The following MACF1 variants were observed in gnomAD, a reference collection of about 807,000 sequenced individuals.
MACF1 encodes microtubule actin crosslinking factor 1.
Under a neutral mutation model 854.8 loss-of-function variants are expected in MACF1, and 193 were observed. The observed-to-expected ratio is 0.23, with a 90% CI of 0.20 to 0.25. The LOEUF (loss-of-function observed/expected upper bound fraction) is 0.25, where lower values mean the gene tolerates loss of function less well. Among genes scored for constraint, MACF1 ranks in the 10% least tolerant of loss-of-function variants. The pLI is 1.00. For synonymous variants in MACF1, 3,185 were observed against 3,226.7 expected (o/e 0.99, Z 0.44); for missense variants, 7,722 against 8,929.1 (o/e 0.86, Z 5.45).
intron 58 of MACF1, among the ~76,000 whole-genome samples, chr1:39,393,195 AAATATAT>A (rs1457709679): frequency 1.3e-4 from 12 of 95,606 alleles, no homozygotes; most frequent in African/African-American, 4.5e-4. Context: ...AAAAAAAAAA[AAATATAT>A]ATATATATAT....
rs535258187 is a variant in MACF1 at position 39,278,661 on chromosome 1, G to A, written c.529-3547G>A. ...AATAATGTTTTACTTTAATATGTAC[G>A]TGAAGCAGCTACAGTGAAGGCAGTG... On this transcript the variant is annotated intron_variant, in intron 6 of 100. Coordinates refer to ENST00000564288, the MANE Select transcript of MACF1 (RefSeq NM_001394062.1). Among the ~76,000 whole-genome samples, 9 of 152,234 alleles carry A rather than the reference G, an allele frequency of 5.9e-5. No homozygotes were observed. In the South Asian group the frequency reaches 1.2e-3, roughly 21 times the overall value.
rs746765928 is a variant in MACF1, at chr1:39,434,437, G to A, written c.17589G>A (p.Gln5863=). Residue 5863 remains glutamine, a synonymous_variant, in exon 69 of 101, where the codon CAG becomes CAA. Coordinates refer to ENST00000564288, the MANE Select transcript of MACF1 (RefSeq NM_001394062.1). ...AGGAAAAGACAGAGTCTCTAATACAGCAATATGAAGCCATTAGCCTACTCA... is the reference window on the plus strand; with the variant it reads ...AGGAAAAGACAGAGTCTCTAATACAACAATATGAAGCCATTAGCCTACTCA... ...VLQEKTESLI[Q]QYEAISLLNS... The A allele has an allele frequency of 5.7e-6, 9 of 1,572,464 alleles. No individual in the cohort carries two copies. The highest frequency in any genetic ancestry group is 3.3e-5 in the South Asian group (3 of 90,182).
intron 58 of MACF1, among the ~76,000 whole-genome samples, chr1:39,401,527 T>C (rs1346211987): frequency 2.6e-5 from 4 of 152,234 alleles, no homozygotes. Context: ...AATTCATCTG[T>C]CTGCCAATCT....
intron 2 of MACF1, among the ~76,000 whole-genome samples, chr1:39,110,541 A>G (rs1015401156): frequency 2.0e-5 from 3 of 152,020 alleles, no homozygotes; most frequent in African/African-American, 7.2e-5. Flanking sequence ...CCTGGCCTAC[A>G]CTCAGTTTTT....
intron 58 of MACF1, among the ~76,000 whole-genome samples, chr1:39,406,052 T>C (rs1003799536): frequency 6.6e-6 from 1 of 152,216 alleles, no homozygotes; most frequent in Non-Finnish European, 1.5e-5. Context: ...CCTCTCTTGA[T>C]TTATTTCTAA....
At chr1:39,148,873 A>G (rs1643517572) in intron 2 of MACF1, among the ~76,000 whole-genome samples, 2 of 152,232 alleles carry the variant, frequency 1.3e-5, no homozygotes, top group African/African-American at 4.8e-5. Context: ...ACTACTCTCC[A>G]TAAAAGTTTT....
intron 2 of MACF1, among the ~76,000 whole-genome samples, chr1:39,248,648 T>G (rs115751202): frequency 1.7e-4 from 26 of 152,344 alleles, no homozygotes; most frequent in African/African-American, 6.0e-4. Flanking sequence ...AGTAGCCCTT[T>G]CTAGCGTTGT....
At chr1:39,259,879 A>G (rs1645139862) in intron 6 of MACF1, among the ~76,000 whole-genome samples, 1 of 152,070 alleles carries the variant, frequency 6.6e-6, no homozygotes, top group African/African-American at 2.4e-5. Context: ...CAGCCTCCCA[A>G]AGTGTTGGAT....
intron 67 of MACF1, 142 bp from the exon 68 acceptor site, chr1:39,432,906 C>G (rs1259175212): frequency 3.2e-6 from 2 of 616,676 alleles, no homozygotes; most frequent in Non-Finnish European, 5.5e-6. Flanking sequence ...AAAAGATAAG[C>G]TAGAGAAGAT....
intron 2 of MACF1, among the ~76,000 whole-genome samples, chr1:39,188,926 C>T (rs562769840): frequency 9.4e-4 from 143 of 151,992 alleles, no homozygotes; most frequent in Non-Finnish European, 1.6e-3. Flanking sequence ...TTAGTAGAGG[C>T]GGGGTTTCAC....
chr1:39,332,589 A>G lies in MACF1; in HGVS notation c.6001A>G (p.Ser2001Gly), dbSNP rs945753192. 1.9e-6 allele frequency: 3 copies of G among 1,614,044 alleles called. No homozygotes were observed. The highest frequency in any genetic ancestry group is 2.5e-6 in the Non-Finnish European group (3 of 1,180,022). Residue 2001 changes from serine to glycine, a missense_variant, in exon 37 of 101, where the codon AGT becomes GGT. Physicochemically the swap from Ser to Gly is moderately conservative, Grantham distance 56 (BLOSUM62 0). Coordinates refer to ENST00000564288, the MANE Select transcript of MACF1 (RefSeq NM_001394062.1). ...AACATCCAGAGATGAGTATCAAACA[A>G]GTCCTCCAAAAGTGGTTGAAATTGG... Reference protein sequence around the residue: ...TLTSRDEYQTSPPKVVEIGHQ... With the variant: ...TLTSRDEYQTGPPKVVEIGHQ...
In MACF1 at chr1:39,458,699, C is replaced by A. The variant is rs1417974693; in HGVS notation, c.21196+209C>A. On this transcript the variant is annotated intron_variant, in intron 90 of 100. Transcript: ENST00000564288. The stretch of plus-strand genomic sequence containing the variant: ...CTTTGGTATGATTGGTATGAAATTA[C>A]GAGGTGGTTAAGCTTATTTTTTAAC... The A allele has an allele frequency of 9.7e-6, 6 of 617,116 alleles. No individual in the cohort carries two copies. In the Admixed American group the frequency reaches 1.7e-4, roughly 17 times the overall value. 38.2% of individuals were successfully genotyped at this position (617,116 alleles called of 1,614,324 possible).
At chr1:39,156,098 A>G (rs1351109289) in intron 2 of MACF1, among the ~76,000 whole-genome samples, 1 of 151,320 alleles carries the variant, frequency 6.6e-6, no homozygotes, top group African/African-American at 2.4e-5. Context: ...CGTGGTCTCG[A>G]TCTCCTGACC....
At position 39,331,816 on chromosome 1, in the gene MACF1, G is replaced by T. The variant is rs201351991; in HGVS notation, c.5228G>T (p.Gly1743Val). The T allele has an allele frequency of 1.3e-5, 21 of 1,614,144 alleles. No homozygotes were observed. The East Asian group carries it at 4.5e-4, about 34-fold the overall frequency. ...LAGGMVSLKS[G>V]RKVSIFRAVQ... Reference sequence around the variant, plus strand: ...GGGGGGATGGTGAGCTTGAAATCAGGCCGGAAGGTTAGCATTTTCCGTGCA... The same window carrying T: ...GGGGGGATGGTGAGCTTGAAATCAGTCCGGAAGGTTAGCATTTTCCGTGCA... Residue 1743 changes from glycine (G) to valine (V), a missense_variant, in exon 37 of 101, where the codon GGC becomes GTC. Coordinates refer to ENST00000564288, the MANE Select transcript of MACF1 (RefSeq NM_001394062.1).
intron 52 of MACF1, among the ~76,000 whole-genome samples, chr1:39,375,447 A>G (rs1015098604): frequency 2.0e-5 from 3 of 151,938 alleles, no homozygotes; most frequent in Non-Finnish European, 4.4e-5. Flanking sequence ...GACTACAGGC[A>G]CCTGCCACCA....
chr1:39,434,404 G>C lies in MACF1; in HGVS notation c.17566-10G>C. The C allele has an allele frequency of 1.9e-6, 1 of 523,200 alleles. No homozygotes were observed. Among genetic ancestry groups the C allele is most frequent in the Non-Finnish European group, 2.6e-6 (1 of 383,180 alleles). The allele number at this position is 523,200 out of a possible 1,614,324, so 32.4% of individuals were successfully genotyped here. On this transcript the variant is annotated splice_polypyrimidine_tract_variant and intron_variant, in intron 68 of 100. Coordinates refer to ENST00000564288, the MANE Select transcript of MACF1 (RefSeq NM_001394062.1). Reference sequence around the variant, plus strand: ...ACTTATCCTTTTTTTTTTTTTTTTTGCTCACATAGGAAAAGACAGAGTCTC... The same window carrying C: ...ACTTATCCTTTTTTTTTTTTTTTTTCCTCACATAGGAAAAGACAGAGTCTC...
At chr1:39,463,238 G>A (rs1302171972) in intron 93 of MACF1, among the ~76,000 whole-genome samples, 2 of 152,194 alleles carry the variant, frequency 1.3e-5, no homozygotes, top group Admixed American at 6.5e-5. Context: ...TGTAATCCCA[G>A]CACTTTGGGA....
Position 39,447,687 on chromosome 1 carries a change from C to A in MACF1, c.19762-5C>A, listed in dbSNP as rs574376898. On this transcript the variant is annotated splice_region_variant and splice_polypyrimidine_tract_variant and intron_variant, in intron 81 of 100. Coordinates refer to ENST00000564288, the MANE Select transcript of MACF1 (RefSeq NM_001394062.1). ...AGCTAAAAAAGAGCACTATTGTTCC[C>A]TCAGGTTTTTGCTAATGAAGTAAAT... 2 of 1,613,966 alleles carry A rather than the reference C, an allele frequency of 1.2e-6. No individual in the cohort carries two copies. The highest frequency in any genetic ancestry group is 1.7e-6 in the Non-Finnish European group (2 of 1,179,990).
At chr1:39,380,494 T>G (rs1231626095) in intron 55 of MACF1, 121 bp downstream of exon 55, 10 of 1,021,546 alleles carry the variant, frequency 9.8e-6, no homozygotes, top group Non-Finnish European at 1.4e-5. Flanking sequence ...AATAAGCAAT[T>G]AGGATCCAGA....
Sources: allele counts gnomAD v4.1 joint callset (sites outside exome capture counted in the v4.1 genomes callset), GRCh38; gene constraint gnomAD v4.1.1; transcripts MANE v1.5; gene names NCBI Gene and HGNC (gene_info 2026-07-23, HGNC 2026-07-21).